The following SND1 variants were observed in gnomAD, a reference collection of about 807,000 sequenced individuals.
SND1 encodes staphylococcal nuclease and tudor domain containing 1.
SND1 carries 38 observed loss-of-function variants against 121.7 expected under a neutral mutation model. The ratio of observed to expected loss-of-function variants is 0.31; its 90% CI spans 0.24 to 0.41. The LOEUF (loss-of-function observed/expected upper bound fraction) is 0.41. Ranked by LOEUF, SND1 falls within the 10% of genes least tolerant of loss-of-function variation. SND1 has a pLI of 1.00. For missense variants in SND1, 868 were observed against 1,184.6 expected, an observed-to-expected ratio of 0.73 and a Z score of 3.92; for synonymous variants, 401 against 447.4, an observed-to-expected ratio of 0.90 and a Z score of 1.31.
At chr7:127,805,164 A>C (rs1319614200) in intron 10 of SND1, among the ~76,000 whole-genome samples, 1 of 152,180 alleles carries the variant, frequency 6.6e-6, no homozygotes, top group African/African-American at 2.4e-5. Flanking sequence ...CCCTTGTGTT[A>C]ACCAGGATTC....
chr7:127,823,915 G>T (rs1191629484), intron 11 of SND1, among the ~76,000 whole-genome samples: 2 of 152,158 alleles, frequency 1.3e-5, no homozygotes, highest in Non-Finnish European at 2.9e-5. Flanking sequence ...TATTTAAAGT[G>T]AAAGAGAGAT....
chr7:128,041,469 G>A (rs1457037856), intron 16 of SND1, among the ~76,000 whole-genome samples: 1 of 152,146 alleles, frequency 6.6e-6, no homozygotes, highest in African/African-American at 2.4e-5. Context: ...TCAGGAGTTA[G>A]ATCTATCAAG....
intron 10 of SND1, among the ~76,000 whole-genome samples, chr7:127,790,097 G>A (rs1001959234): frequency 6.6e-6 from 1 of 152,244 alleles, no homozygotes; most frequent in Admixed American, 6.5e-5. Context: ...AGATTTATTA[G>A]GTGAACATTC....
At position 127,696,966 on chromosome 7, in the gene SND1, T is replaced by C. The variant is rs550551852; in HGVS notation, c.350-1909T>C. ...GTTTAATATTTTCACTAAGGTATTT[T>C]AACTAACTCTTAATGCCAATTCTAT... On this transcript the variant is annotated intron_variant, in intron 3 of 23. Coordinates refer to ENST00000354725, the MANE Select transcript of SND1 (RefSeq NM_014390.4). 1.2e-4 allele frequency among the ~76,000 whole-genome samples: 19 copies of C among 152,364 alleles called. No individual in the cohort carries two copies. In the East Asian group the frequency reaches 3.5e-3, roughly 28 times the overall value.
At chr7:127,980,753 G>A (rs974351875) in intron 15 of SND1, among the ~76,000 whole-genome samples, 2 of 152,202 alleles carry the variant, frequency 1.3e-5, no homozygotes, top group Non-Finnish European at 2.9e-5. Context: ...ATGCAAGTAA[G>A]TAGCTTTTAC....
chr7:127,750,236 T>C (rs1797061639), intron 10 of SND1, among the ~76,000 whole-genome samples: 1 of 152,200 alleles, frequency 6.6e-6, no homozygotes, highest in Non-Finnish European at 1.5e-5. Context: ...AGACTGCAGA[T>C]AGGTCATAGC....
chr7:128,012,953 T>C (rs1213332490), intron 16 of SND1, among the ~76,000 whole-genome samples: 1 of 152,130 alleles, frequency 6.6e-6, no homozygotes, highest in Non-Finnish European at 1.5e-5. Flanking sequence ...TCCCTTCCCA[T>C]TGCCCCTGGA....
chr7:127,671,330 C>T (rs1223519408), intron 1 of SND1, among the ~76,000 whole-genome samples: 2 of 152,188 alleles, frequency 1.3e-5, no homozygotes, highest in African/African-American at 4.8e-5. Context: ...ATCATCCTCT[C>T]TATATTTATT....
intron 2 of SND1, among the ~76,000 whole-genome samples, chr7:127,691,896 T>C (rs1212101047): frequency 1.3e-5 from 2 of 150,286 alleles, no homozygotes; most frequent in Non-Finnish European, 3.0e-5. Flanking sequence ...CCTCCCAAAG[T>C]GTTGGGATTA....
chr7:127,822,334 A>G (rs946716254), intron 11 of SND1, among the ~76,000 whole-genome samples: 1 of 152,008 alleles, frequency 6.6e-6, no homozygotes, highest in Non-Finnish European at 1.5e-5. Context: ...CTATGTGCTT[A>G]CAAGTAGTAA....
intron 18 of SND1, among the ~76,000 whole-genome samples, chr7:128,084,328 C>T (rs563649344): frequency 1.3e-5 from 2 of 152,324 alleles, no homozygotes; most frequent in East Asian, 1.9e-4. Flanking sequence ...GAATGGGGTA[C>T]GGGCTGGCCA....
intron 10 of SND1, among the ~76,000 whole-genome samples, chr7:127,787,250 G>T (rs1357086104): frequency 6.6e-6 from 1 of 152,016 alleles, no homozygotes; most frequent in Non-Finnish European, 1.5e-5. Flanking sequence ...TTGTTTTTGA[G>T]GGGGGACAGG....
chr7:127,893,770 A>C (rs1335488880), intron 13 of SND1, among the ~76,000 whole-genome samples: 2 of 152,088 alleles, frequency 1.3e-5, no homozygotes, highest in Non-Finnish European at 2.9e-5. Flanking sequence ...GGTGTCATCC[A>C]TCTTTGAGAG....
At chr7:127,972,203 C>T (rs1802007766) in intron 15 of SND1, among the ~76,000 whole-genome samples, 2 of 152,142 alleles carry the variant, frequency 1.3e-5, no homozygotes, top group African/African-American at 4.8e-5. Flanking sequence ...CCTTTCCGAC[C>T]TCGGTCATCA....
At chr7:128,081,545 G>A in intron 18 of SND1, 44 bp downstream of exon 18, 1 of 1,608,674 alleles carries the variant, frequency 6.2e-7, no homozygotes, top group South Asian at 1.1e-5. Flanking sequence ...GCTTGGTCCA[G>A]CTGGCGCTGC....
At chr7:127,845,211 G>A (rs1381434329) in intron 12 of SND1, among the ~76,000 whole-genome samples, 1 of 152,196 alleles carries the variant, frequency 6.6e-6, no homozygotes, top group Non-Finnish European at 1.5e-5. Context: ...AGCCACTTAG[G>A]AGAAGTACCT....
At chr7:127,953,096 C>T (rs547249530) in intron 15 of SND1, among the ~76,000 whole-genome samples, 5 of 149,508 alleles carry the variant, frequency 3.3e-5, no homozygotes, top group East Asian at 2.0e-4. Flanking sequence ...CCTGGGAGGT[C>T]GAGGCTACAG....
chr7:128,082,654 C>T (rs569507498), intron 18 of SND1, among the ~76,000 whole-genome samples: 169 of 152,194 alleles, frequency 1.1e-3, no homozygotes, highest in African/African-American at 3.9e-3. Context: ...TGAACCGGGG[C>T]GGTGGCCAGC....
chr7:127,779,004 T>C (rs1264926704), intron 10 of SND1, among the ~76,000 whole-genome samples: 1 of 152,224 alleles, frequency 6.6e-6, no homozygotes, highest in African/African-American at 2.4e-5. Context: ...TTTAAGTTCA[T>C]TTGTTATGCT....
Sources: allele counts gnomAD v4.1 joint callset (sites outside exome capture counted in the v4.1 genomes callset), GRCh38; gene constraint gnomAD v4.1.1; transcripts MANE v1.5; gene names NCBI Gene and HGNC (gene_info 2026-07-23, HGNC 2026-07-21).